The following C16orf95 variants were observed in gnomAD, a reference collection of about 807,000 sequenced individuals.
C16orf95 encodes chromosome 16 open reading frame 95, also known as uncharacterized protein C16orf95.
C16orf95 carries 41 observed loss-of-function variants against 32.1 expected under a neutral mutation model. That is an observed-to-expected ratio of 1.28 (90% CI 1.00 to 1.66). The LOEUF (loss-of-function observed/expected upper bound fraction) is 1.66. Among genes scored for constraint, C16orf95 ranks in the 40% most tolerant of loss-of-function variants. C16orf95 has a pLI of 0.00. For synonymous variants in C16orf95, 147 were observed against 128.9 expected, an observed-to-expected ratio of 1.14 and a Z score of -0.95; for missense variants, 399 against 325.9, an observed-to-expected ratio of 1.22 and a Z score of -1.73.
At chr16:87,311,587 T>C (rs1293175926) in intron 3 of C16orf95, among the ~76,000 whole-genome samples, 7 of 152,174 alleles carry the variant, frequency 4.6e-5, no homozygotes, top group Admixed American at 3.3e-4. Context: ...CAGGTTGGTA[T>C]TGGGAGACCT....
intron 3 of C16orf95, among the ~76,000 whole-genome samples, chr16:87,313,358 T>C (rs1363106991): frequency 6.6e-6 from 1 of 152,190 alleles, no homozygotes; most frequent in Non-Finnish European, 1.5e-5. Context: ...GGTTCAGAAA[T>C]AAATTCATAC....
rs61748957 is a variant in C16orf95 at position 87,315,057 on chromosome 16, T to C, written c.244A>G (p.Thr82Ala). Residue 82 changes from threonine (T) to alanine (A), a missense_variant, in exon 3 of 7, where the codon ACC becomes GCC. Transcript: ENST00000567970. ...GPWAICCECQ[T>A]RFGGRLPVSR... Reference sequence around the variant, plus strand: ...ACAGGCAGGCGGCCCCCGAATCTGGTCTGGCATTCACAGCAGATGGCCCAG... The same window carrying C: ...ACAGGCAGGCGGCCCCCGAATCTGGCCTGGCATTCACAGCAGATGGCCCAG... 6.5e-7 allele frequency: 1 copy of C among 1,536,042 alleles called. No individual in the cohort carries two copies. The highest frequency in any genetic ancestry group is 1.2e-5 in the South Asian group (1 of 84,062).
At position 87,305,920 on chromosome 16, in the gene C16orf95, G is replaced by A; in HGVS notation, c.515-15C>T. The A allele has an allele frequency of 7.1e-7, 1 of 1,409,002 alleles. No individual in the cohort carries two copies. The allele number at this position is 1,409,002 out of a possible 1,614,324, so 87.3% of individuals were successfully genotyped here. A position where few individuals can be genotyped will look rare whatever the true frequency, so the allele number is the denominator to read the frequency against. On this transcript the variant is annotated splice_polypyrimidine_tract_variant and intron_variant, in intron 5 of 6. Coordinates refer to ENST00000567970, the MANE Select transcript of C16orf95 (RefSeq NM_001195124.3). This position sits in a 1 kb window ranked among gnomAD's most constrained non-coding sequence, Gnocchi z 4.2. ...CAGCAGGGGTGCTAGGCAAAGAAAA[G>A]GTGGGTTGAGGACAGGGCGTGTTCT...
chr16:87,314,881 T>A, intron 3 of C16orf95, 90 bp downstream of exon 3: 1 of 1,089,334 alleles, frequency 9.2e-7, no homozygotes. Context: ...AAATATCCAT[T>A]CATATAATAC....
chr16:87,309,338 T>C (rs1393830718), intron 5 of C16orf95, among the ~76,000 whole-genome samples: 1 of 151,952 alleles, frequency 6.6e-6, no homozygotes, highest in African/African-American at 2.4e-5. Flanking sequence ...TTCACTGCTT[T>C]TTTTATTATA....
chr16:87,311,390 C>T (rs1406646567), intron 3 of C16orf95, 94 bp from the exon 4 acceptor site: 1 of 1,326,484 alleles, frequency 7.5e-7, no homozygotes, highest in Admixed American at 2.3e-5. Flanking sequence ...CAGAAGATCC[C>T]CTGGCTGGGT....
chr16:87,303,300 G>C lies in C16orf95; in HGVS notation c.702-225C>G, dbSNP rs538200628. 40 of 545,976 alleles carry C rather than the reference G, an allele frequency of 7.3e-5. No individual in the cohort carries two copies. In the African/African-American group the frequency reaches 7.3e-4, roughly 10 times the overall value. 33.8% of individuals were successfully genotyped at this position (545,976 alleles called of 1,614,324 possible). ...AGGACTGGGGTGAGGCATTCCACCT[G>C]AGTGCCCACTCCTTCTGAAAAGGGA... On this transcript the variant is annotated intron_variant, in intron 6 of 6. Transcript: ENST00000567970.
chr16:87,315,331 T>C (rs1028508883), intron 2 of C16orf95, among the ~76,000 whole-genome samples: 3 of 152,206 alleles, frequency 2.0e-5, no homozygotes, highest in Admixed American at 2.0e-4. Flanking sequence ...GATTCTCAGC[T>C]GCTTCCTGCT....
chr16:87,311,732 C>T (rs765450098), intron 3 of C16orf95, among the ~76,000 whole-genome samples: 1 of 152,234 alleles, frequency 6.6e-6, no homozygotes, highest in Non-Finnish European at 1.5e-5. Flanking sequence ...CTAAAATAGA[C>T]AGCCTTTGAT....
At chr16:87,317,030 GGGCCGGGAACTCACA>G (rs1250195799) in intron 1 of C16orf95, 46 bp downstream of exon 1, 27 of 1,457,720 alleles carry the variant, frequency 1.9e-5, no homozygotes, top group African/African-American at 2.8e-5. Context: ...GAGCAATGCC[GGGCCGGGAACTCACA>G]GGCGAGGTGT....
At chr16:87,304,015 A>G (rs1910887065) in intron 6 of C16orf95, among the ~76,000 whole-genome samples, 1 of 151,980 alleles carries the variant, frequency 6.6e-6, no homozygotes, top group Admixed American at 6.6e-5. Context: ...GATCCTTTAA[A>G]ATTGTTTCTT....
At position 87,315,891 on chromosome 16, in the gene C16orf95, C is replaced by T. The variant is rs557417781; in HGVS notation, c.153-68G>A. 5.6e-5 allele frequency: 65 copies of T among 1,158,666 alleles called. 1 individual carries two copies. The South Asian group carries it at 1.0e-3, about 18-fold the overall frequency. 71.8% of individuals were successfully genotyped at this position (1,158,666 alleles called of 1,614,324 possible). On this transcript the variant is annotated intron_variant, in intron 1 of 6. Coordinates refer to ENST00000567970, the MANE Select transcript of C16orf95 (RefSeq NM_001195124.3). ...GGGGGCAGGGATGCTAGAGCACAGG[C>T]CTGGACCTGTCTTCTCAGAACTGAC... is the stretch of plus-strand genomic sequence containing the variant.
intron 6 of C16orf95, chr16:87,303,465 A>G (rs1910857435): frequency 5.1e-6 from 1 of 196,916 alleles, no homozygotes; most frequent in African/African-American, 2.3e-5. Context: ...ACATCTCTCC[A>G]GGCCGGCAGA....
At chr16:87,309,870 A>G (rs1233902790) in intron 5 of C16orf95, among the ~76,000 whole-genome samples, 2 of 152,252 alleles carry the variant, frequency 1.3e-5, no homozygotes, top group Non-Finnish European at 2.9e-5. Flanking sequence ...TTATGTTTTG[A>G]ATATACAATA....
At chr16:87,303,995 A>G (rs1388814289) in intron 6 of C16orf95, among the ~76,000 whole-genome samples, 1 of 152,024 alleles carries the variant, frequency 6.6e-6, no homozygotes, top group Non-Finnish European at 1.5e-5. Flanking sequence ...CTGACCATCT[A>G]CTTAACATTG....
Position 87,303,067 on chromosome 16 carries a change from A to G in C16orf95, c.710T>C (p.Phe237Ser), listed in dbSNP as rs1024840642. The G allele has an allele frequency of 3.3e-6, 5 of 1,535,948 alleles. No individual in the cohort carries two copies. In the African/African-American group the frequency reaches 4.1e-5, roughly 13 times the overall value. The change falls in exon 7 of 7, where the codon TTT (phenylalanine) becomes TCT (serine). Residue 237 changes from phenylalanine (F) to serine (S), a missense_variant. Transcript: ENST00000567970. ...PRVIMAIRQC[F>S]GV ...CTGAAGATTCCAACTTCAAACCCCAAAACACTGGCTGGAAAGCAAAGAGAG... is the reference window on the plus strand; with the variant it reads ...CTGAAGATTCCAACTTCAAACCCCAGAACACTGGCTGGAAAGCAAAGAGAG...
intron 3 of C16orf95, among the ~76,000 whole-genome samples, chr16:87,313,425 G>A (rs974673462): frequency 1.3e-5 from 2 of 152,312 alleles, no homozygotes; most frequent in Non-Finnish European, 2.9e-5. Context: ...CTGAGGCAGT[G>A]TAATTTATTA....
chr16:87,317,353 C>A lies in C16orf95; in HGVS notation c.-111G>T, dbSNP rs916262054. Reference sequence around the variant, plus strand: ...CAGGAGGAACCCAACCCGAGCTCAACCCCAGCCCCAACCTCAACCGCTCAG... The same window carrying A: ...CAGGAGGAACCCAACCCGAGCTCAAACCCAGCCCCAACCTCAACCGCTCAG... On this transcript the variant is annotated 5_prime_UTR_variant, in exon 1 of 7. Transcript: ENST00000567970. The A allele has an allele frequency of 4.9e-6, 7 of 1,424,362 alleles. No homozygotes were observed. In the African/African-American group the frequency reaches 8.7e-5, roughly 18 times the overall value. The allele number at this position is 1,424,362 out of a possible 1,614,324, so 88.2% of individuals were successfully genotyped here.
At chr16:87,311,964 G>C (rs778338968) in intron 3 of C16orf95, among the ~76,000 whole-genome samples, 2 of 152,214 alleles carry the variant, frequency 1.3e-5, no homozygotes, top group Non-Finnish European at 2.9e-5. Flanking sequence ...TAAACTCTGA[G>C]ACAGGCTGTA....
Sources: gnomAD v4.1 joint callset for allele counts (sites outside exome capture counted in the v4.1 genomes callset) on GRCh38, gnomAD v4.1.1 for gene constraint, Gnocchi (gnomAD v3.1) non-coding constraint, MANE v1.5 for transcripts, NCBI Gene and HGNC (gene_info 2026-07-23, HGNC 2026-07-21) for gene names.